Variants in NFIB observed in about 807,000 individuals in gnomAD.
The protein encoded by NFIB is nuclear factor I B, also known as nuclear factor 1 B-type.
Under a neutral mutation model 61.5 loss-of-function variants are expected in NFIB, and 11 were observed. The observed-to-expected ratio is 0.18, with a 90% CI of 0.11 to 0.30. NFIB has a LOEUF of 0.30. NFIB is among the 10% of genes least tolerant of loss of function. The probability of loss-of-function intolerance (pLI) is 1.00; values close to 1 mark genes in which losing one functional copy is unlikely to be tolerated. For synonymous variants in NFIB, 260 were observed against 216.5 expected (o/e 1.20, Z -1.76); for missense variants, 471 against 608.9 (o/e 0.77, Z 2.38).
chr9:14,279,153 T>C (rs1588094066), intron 2 of NFIB, among the ~76,000 whole-genome samples: 1 of 152,098 alleles, frequency 6.6e-6, no homozygotes, highest in Admixed American at 6.6e-5. Context: ...GGAGTGATTG[T>C]TAACAATGCC....
At chr9:14,205,493 T>C (rs1563899509) in intron 2 of NFIB, among the ~76,000 whole-genome samples, 2 of 151,928 alleles carry the variant, frequency 1.3e-5, no homozygotes, top group African/African-American at 4.8e-5. Flanking sequence ...TAAACTTAAA[T>C]CCCAGCTAAC....
intron 3 of NFIB, among the ~76,000 whole-genome samples, chr9:14,177,796 G>C (rs1394154470): frequency 6.6e-6 from 1 of 152,126 alleles, no homozygotes; most frequent in African/African-American, 2.4e-5. Flanking sequence ...GTTCTACCTT[G>C]GTTGTTTTTG....
At chr9:14,198,413 A>C (rs2048678643) in intron 2 of NFIB, among the ~76,000 whole-genome samples, 1 of 152,214 alleles carries the variant, frequency 6.6e-6, no homozygotes, top group Admixed American at 6.5e-5. Flanking sequence ...TTAAAAGTTC[A>C]ATTTTCAGAA....
intron 10 of NFIB, among the ~76,000 whole-genome samples, chr9:14,103,442 G>C (rs1276629565): frequency 1.3e-5 from 2 of 151,970 alleles, no homozygotes; most frequent in African/African-American, 4.8e-5. Context: ...CTTCTTCACA[G>C]TAATCCACTA....
At chr9:14,396,505 T>A (rs2061688748) in intron 1 of NFIB, among the ~76,000 whole-genome samples, 1 of 151,962 alleles carries the variant, frequency 6.6e-6, no homozygotes, top group South Asian at 2.1e-4. Flanking sequence ...TACTTTTTGG[T>A]GTATTATAGG....
chr9:14,527,134 T>C, the NFIB span, among the ~76,000 whole-genome samples: 1 of 152,090 alleles, frequency 6.6e-6, no homozygotes, highest in African/African-American at 2.4e-5. Flanking sequence ...TATTTAAATA[T>C]GCTAAAATGG....
the NFIB span, among the ~76,000 whole-genome samples, chr9:14,486,482 T>C: frequency 6.6e-6 from 1 of 152,186 alleles, no homozygotes; most frequent in East Asian, 1.9e-4. Context: ...GAGGAAAATA[T>C]GCCTAGGGAC....
At chr9:14,154,834 G>A (rs1054451038) in intron 4 of NFIB, among the ~76,000 whole-genome samples, 4 of 152,164 alleles carry the variant, frequency 2.6e-5, no homozygotes, top group African/African-American at 4.8e-5. Flanking sequence ...CAGTGATAGC[G>A]TGAAGATTCC....
intron 1 of NFIB, among the ~76,000 whole-genome samples, chr9:14,356,963 C>T (rs906288375): frequency 6.6e-6 from 1 of 152,178 alleles, no homozygotes; most frequent in African/African-American, 2.4e-5. Context: ...GTCAGGAGGT[C>T]TGCTTTTCTA....
chr9:14,174,544 G>A (rs541145710), intron 3 of NFIB, among the ~76,000 whole-genome samples: 25 of 152,096 alleles, frequency 1.6e-4, no homozygotes, highest in Admixed American at 1.2e-3. Flanking sequence ...GAGGCGGGTG[G>A]ATCACGAGGT....
At chr9:14,385,285 C>G (rs1293932910) in intron 1 of NFIB, among the ~76,000 whole-genome samples, 1 of 152,192 alleles carries the variant, frequency 6.6e-6, no homozygotes, top group Non-Finnish European at 1.5e-5. Context: ...AAACTTGGGA[C>G]CCAAGCCCCA....
At chr9:14,364,323 A>G (rs1165865237) in intron 1 of NFIB, among the ~76,000 whole-genome samples, 1 of 152,154 alleles carries the variant, frequency 6.6e-6, no homozygotes, top group African/African-American at 2.4e-5. Context: ...TGAAAAGCCA[A>G]CGAAGAGATC....
intron 8 of NFIB, among the ~76,000 whole-genome samples, chr9:14,117,964 G>A (rs924691239): frequency 6.6e-6 from 1 of 152,062 alleles, no homozygotes; most frequent in Non-Finnish European, 1.5e-5. Flanking sequence ...CTGACTAGAA[G>A]TGAATGGTGA....
intron 10 of NFIB, among the ~76,000 whole-genome samples, chr9:14,093,055 T>G (rs1447108874): frequency 2.0e-5 from 3 of 152,114 alleles, no homozygotes; most frequent in Admixed American, 6.6e-5. Context: ...ACCTTTTAGC[T>G]CACTAACACC....
intron 2 of NFIB, among the ~76,000 whole-genome samples, chr9:14,252,843 T>G (rs1422977037): frequency 1.3e-5 from 2 of 151,976 alleles, no homozygotes; most frequent in East Asian, 3.9e-4. Context: ...ATTGCACCCA[T>G]GACGGTCACC....
At chr9:14,234,252 C>A (rs2053509152) in intron 2 of NFIB, among the ~76,000 whole-genome samples, 1 of 152,058 alleles carries the variant, frequency 6.6e-6, no homozygotes, top group Admixed American at 6.6e-5. Flanking sequence ...AACAGAAGTA[C>A]ATGCAATAAA....
the NFIB span, among the ~76,000 whole-genome samples, chr9:14,440,918 G>C: frequency 1.3e-5 from 2 of 152,110 alleles, no homozygotes; most frequent in African/African-American, 2.4e-5. Context: ...ATGCAGAACA[G>C]TTTGAAAGGT....
chr9:14,469,405 C>A, the NFIB span, among the ~76,000 whole-genome samples: 1 of 152,158 alleles, frequency 6.6e-6, no homozygotes, highest in African/African-American at 2.4e-5. Flanking sequence ...GGATTCGGAA[C>A]CCATCTCTGG....
Position 14,228,223 on chromosome 9 carries a change from G to A in NFIB, c.563-48443C>T, listed in dbSNP as rs2052684937. Among the ~76,000 whole-genome samples the A allele has an allele frequency of 2.0e-5, 3 of 147,350 alleles. No individual in the cohort carries two copies. In the South Asian group the frequency reaches 6.4e-4, roughly 32 times the overall value. On this transcript the variant is annotated intron_variant, in intron 2 of 10. Coordinates refer to ENST00000380953, the MANE Select transcript of NFIB (RefSeq NM_001190737.2). Reference sequence around the variant, plus strand: ...TTTTTTTTTTTTTTTTTGAGACAGGGTCTCACTGTCATCCAGGCAGGAGTG... The same window carrying A: ...TTTTTTTTTTTTTTTTTGAGACAGGATCTCACTGTCATCCAGGCAGGAGTG...
Sources: gnomAD v4.1 joint callset for allele counts (sites outside exome capture counted in the v4.1 genomes callset) on GRCh38, gnomAD v4.1.1 for gene constraint, MANE v1.5 for transcripts, NCBI Gene and HGNC (gene_info 2026-07-23, HGNC 2026-07-21) for gene names.